PSD3: variants seen among roughly 807,000 people sequenced by gnomAD.
PSD3 encodes pleckstrin and Sec7 domain containing 3.
PSD3 carries 49 observed loss-of-function variants against 105.5 expected under a neutral mutation model. That is an observed-to-expected ratio of 0.46 (90% CI 0.37 to 0.59). The LOEUF (loss-of-function observed/expected upper bound fraction) is 0.59, where lower values mean the gene tolerates loss of function less well. Among genes scored for constraint, PSD3 ranks in the 20% least tolerant of loss-of-function variants. The pLI is 0.00. For synonymous variants in PSD3, 557 were observed against 457.8 expected (o/e 1.22, Z -2.77); for missense variants, 1,561 against 1,263.8 (o/e 1.24, Z -3.57).
chr8:18,566,231 T>C (rs111238380), intron 14 of PSD3, among the ~76,000 whole-genome samples: 10,251 of 152,122 alleles, frequency 0.067, 786 homozygotes, highest in African/African-American at 0.18. Flanking sequence ...GAGCTTTGGA[T>C]AGAAAAATCC....
chr8:18,925,726 A>G (rs1010136696), intron 2 of PSD3, among the ~76,000 whole-genome samples: 2 of 152,116 alleles, frequency 1.3e-5, no homozygotes, highest in Admixed American at 1.3e-4. Flanking sequence ...AAAATTCGAG[A>G]GAGAAGTCGA....
chr8:18,570,676 A>C (rs1802072941), intron 14 of PSD3, among the ~76,000 whole-genome samples: 1 of 150,192 alleles, frequency 6.7e-6, no homozygotes, highest in Non-Finnish European at 1.5e-5. Context: ...ATGAACAGAC[A>C]CTTCTCAAAA....
intron 2 of PSD3, among the ~76,000 whole-genome samples, chr8:18,890,922 T>C (rs1290609293): frequency 6.6e-6 from 1 of 152,132 alleles, no homozygotes; most frequent in African/African-American, 2.4e-5. Context: ...GCTTTTCACC[T>C]CTCAGGCCTC....
intron 1 of PSD3, among the ~76,000 whole-genome samples, chr8:18,993,587 G>A (rs566919505): frequency 6.6e-6 from 1 of 152,006 alleles, no homozygotes; most frequent in Non-Finnish European, 1.5e-5. Flanking sequence ...ACAATAAATT[G>A]TAATACTATT....
chr8:18,737,763 C>G (rs1804262434), intron 9 of PSD3, among the ~76,000 whole-genome samples: 1 of 152,104 alleles, frequency 6.6e-6, no homozygotes, highest in Non-Finnish European at 1.5e-5. Context: ...CACTTTCTAA[C>G]TTTAAAGACA....
chr8:18,949,409 C>G (rs1477922510), intron 1 of PSD3, among the ~76,000 whole-genome samples: 3 of 150,302 alleles, frequency 2.0e-5, no homozygotes, highest in Non-Finnish European at 4.4e-5. Flanking sequence ...ATCTCCTAGG[C>G]AAATATAAAC....
At chr8:19,030,534 C>T (rs992498681) in intron 1 of PSD3, among the ~76,000 whole-genome samples, 1 of 152,038 alleles carries the variant, frequency 6.6e-6, no homozygotes, top group South Asian at 2.1e-4. Context: ...GGCACCTCTG[C>T]CGACCACACT....
intron 15 of PSD3, among the ~76,000 whole-genome samples, chr8:18,545,095 T>C (rs1176599061): frequency 6.6e-6 from 1 of 152,230 alleles, no homozygotes; most frequent in East Asian, 1.9e-4. Context: ...CATTTTAAAA[T>C]ACTATGATTT....
In PSD3 at chr8:19,073,354, C is replaced by T. The variant is rs778911627; in HGVS notation, c.324+10852G>A. Among the ~76,000 whole-genome samples the T allele has an allele frequency of 7.2e-5, 11 of 151,934 alleles. 1 individual carries two copies. The highest frequency in any genetic ancestry group is 3.3e-4 in the Admixed American group (5 of 15,254). On this transcript the variant is annotated intron_variant, in intron 1 of 1. Coordinates refer to the PSD3 transcript ENST00000521475. ...TCACTTGGGGTTGGGAGTTTGAGAC[C>T]AGCCTGGCCAAAATGGAGAAAGCCC...
intron 4 of PSD3, among the ~76,000 whole-genome samples, chr8:18,852,094 C>A (rs1349376251): frequency 6.6e-6 from 1 of 151,780 alleles, no homozygotes; most frequent in Admixed American, 6.6e-5. Flanking sequence ...TTCTTATTTA[C>A]AAATTTTACA....
intron 14 of PSD3, among the ~76,000 whole-genome samples, chr8:18,567,524 A>C (rs1247601107): frequency 6.6e-6 from 1 of 152,160 alleles, no homozygotes; most frequent in African/African-American, 2.4e-5. Flanking sequence ...TACCCTTAAA[A>C]ATTCAATGCC....
rs1800553592 is a variant in PSD3, at chr8:18,684,438, T to C, written c.2173-28753A>G. ...CAAGGCACCATGTGGGGTGGGAACG[T>C]AGCTGAATTTCCACAAGGAAGAAAA... is the stretch of plus-strand genomic sequence containing the variant. On this transcript the variant is annotated intron_variant, in intron 9 of 15. Coordinates refer to ENST00000327040, the MANE Select transcript of PSD3 (RefSeq NM_015310.4). Among the ~76,000 whole-genome samples the C allele has an allele frequency of 2.0e-5, 3 of 152,066 alleles. No individual in the cohort carries two copies. In the South Asian group the frequency reaches 6.2e-4, roughly 32 times the overall value.
At chr8:18,680,338 A>C (rs1176518805) in intron 9 of PSD3, among the ~76,000 whole-genome samples, 1 of 152,144 alleles carries the variant, frequency 6.6e-6, no homozygotes, top group Non-Finnish European at 1.5e-5. Context: ...TACTTTTAGG[A>C]AATTGTTTCT....
intron 9 of PSD3, among the ~76,000 whole-genome samples, chr8:18,738,223 C>T (rs549082007): frequency 1.3e-5 from 2 of 152,262 alleles, no homozygotes; most frequent in Admixed American, 1.3e-4. Flanking sequence ...AATTAGAGGC[C>T]TCCTGGCAGG....
chr8:19,073,673 A>G (rs1003406165), intron 1 of PSD3, among the ~76,000 whole-genome samples: 1 of 151,674 alleles, frequency 6.6e-6, no homozygotes, highest in Non-Finnish European at 1.5e-5. Flanking sequence ...GAACTGACAT[A>G]TTATAAGAGG....
intron 9 of PSD3, among the ~76,000 whole-genome samples, chr8:18,692,951 G>T (rs1433293924): frequency 6.6e-6 from 1 of 152,138 alleles, no homozygotes; most frequent in Non-Finnish European, 1.5e-5. Flanking sequence ...CACTACCGGG[G>T]GTAGAATGTC....
intron 12 of PSD3, among the ~76,000 whole-genome samples, chr8:18,589,433 A>G (rs1803436930): frequency 6.6e-6 from 1 of 152,188 alleles, no homozygotes; most frequent in Admixed American, 6.5e-5. Context: ...ATTTTCCCAA[A>G]AAGAGATCAT....
At chr8:18,832,171 C>A (rs1349453575) in intron 4 of PSD3, among the ~76,000 whole-genome samples, 1 of 152,144 alleles carries the variant, frequency 6.6e-6, no homozygotes, top group Admixed American at 6.5e-5. Flanking sequence ...TATGAGCCAG[C>A]CTGCCATTTT....
intron 1 of PSD3, among the ~76,000 whole-genome samples, chr8:19,045,457 C>G (rs1828284122): frequency 1.3e-5 from 2 of 152,158 alleles, no homozygotes; most frequent in Non-Finnish European, 2.9e-5. Flanking sequence ...CGCCCTTGAA[C>G]ACAGCCAAGC....
Sources: allele counts gnomAD v4.1 joint callset (sites outside exome capture counted in the v4.1 genomes callset), GRCh38; gene constraint gnomAD v4.1.1; transcripts MANE v1.5; gene names NCBI Gene and HGNC (gene_info 2026-07-23, HGNC 2026-07-21).